The following FMNL1 variants were observed in gnomAD, a reference collection of about 807,000 sequenced individuals.
FMNL1 encodes the protein formin-like protein 1.
A neutral mutation model predicts 121.3 loss-of-function variants in FMNL1; 43 were observed. That is an observed-to-expected ratio of 0.35 (90% CI 0.28 to 0.46). The LOEUF (loss-of-function observed/expected upper bound fraction) is 0.46. Among genes scored for constraint, FMNL1 ranks in the 20% least tolerant of loss-of-function variants. The probability of loss-of-function intolerance (pLI) is 1.00; values close to 1 mark genes in which losing one functional copy is unlikely to be tolerated. For synonymous variants in FMNL1, 613 were observed against 613.5 expected (o/e 1.00, Z 0.01); for missense variants, 1,191 against 1,482.4 (o/e 0.80, Z 3.23).
chr17:45,245,506 T>TGGAGGGG, intron 22 of FMNL1, 90 bp downstream of exon 22: 1 of 1,605,186 alleles, frequency 6.2e-7, no homozygotes, highest in Non-Finnish European at 8.5e-7. Flanking sequence ...CTGGGACCCC[T>TGGAGGGG]TGGGGGGATG....
chr17:45,232,782 A>T (rs2043466179), intron 3 of FMNL1: 1 of 576,868 alleles, frequency 1.7e-6, no homozygotes, highest in African/African-American at 1.8e-5. Context: ...CTATGTGTGT[A>T]CTTTGTCCAC....
chr17:45,242,207 C>T, intron 15 of FMNL1, 61 bp downstream of exon 15: 2 of 1,541,058 alleles, frequency 1.3e-6, no homozygotes, highest in Middle Eastern at 1.7e-4. Flanking sequence ...GGGGCCTGGG[C>T]CTCAGTGTCC....
chr17:45,238,705 G>A (rs904912061), intron 10 of FMNL1, 67 bp downstream of exon 10: 33 of 1,589,670 alleles, frequency 2.1e-5, no homozygotes, highest in Non-Finnish European at 2.8e-5. Context: ...AGCAGCTAGG[G>A]TCCTGGGTGC....
At position 45,244,262 on chromosome 17, in the gene FMNL1, G is replaced by T; in HGVS notation, c.2517+18G>T. ...TCCTGGAGGTGAGGGGCCAGGAGGT[G>T]GGGCCCACCCTTGCCTGTTCTGGAT... On this transcript the variant is annotated intron_variant, in intron 19 of 26. Transcript: ENST00000331495. 6.2e-7 allele frequency: 1 copy of T among 1,604,740 alleles called. No homozygotes were observed. The highest frequency in any genetic ancestry group is 8.5e-7 in the Non-Finnish European group (1 of 1,175,592).
At position 45,221,985 on chromosome 17, in the gene FMNL1, G is replaced by A; in HGVS notation, c.-140G>A. Reference sequence around the variant, plus strand: ...GCCCCTGCGCGCCGCTGAGCCGAGCGCCCCCCGCTGCCGAGACCCCCGCCG... The same window carrying A: ...GCCCCTGCGCGCCGCTGAGCCGAGCACCCCCCGCTGCCGAGACCCCCGCCG... On this transcript the variant is annotated 5_prime_UTR_variant, in exon 1 of 27. Coordinates refer to ENST00000331495, the MANE Select transcript of FMNL1 (RefSeq NM_005892.4). 1.8e-6 allele frequency: 1 copy of A among 564,910 alleles called. No homozygotes were observed. The highest frequency in any genetic ancestry group is 2.5e-6 in the Non-Finnish European group (1 of 400,462). The allele number at this position is 564,910 out of a possible 1,614,324, so 35.0% of individuals were successfully genotyped here.
At chr17:45,239,215 CCT>C in intron 11 of FMNL1, 150 bp downstream of exon 11, 1 of 641,112 alleles carries the variant, frequency 1.6e-6, no homozygotes. Flanking sequence ...TAGGCCTCTT[CCT>C]CTCTCTCAGT....
chr17:45,243,187 G>T lies in FMNL1; in HGVS notation c.2080G>T (p.Ala694Ser). 6.2e-7 allele frequency: 1 copy of T among 1,614,212 alleles called. No individual in the cohort carries two copies. Among genetic ancestry groups the T allele is most frequent in the Non-Finnish European group, 8.5e-7 (1 of 1,180,036 alleles). ...KSQGPSLDLS[A>S]LKSKAAQKAP... ...CCAAGGCCCCAGCCTGGACCTCAGC[G>T]CTCTCAAGAGTAAGGCAGCCCAGAA... The change falls in exon 17 of 27, where the codon GCT becomes TCT. Residue 694 changes from alanine to serine, a missense_variant. Physicochemically the swap from Ala to Ser is moderately conservative, Grantham distance 99. Coordinates refer to ENST00000331495, the MANE Select transcript of FMNL1 (RefSeq NM_005892.4).
In FMNL1 at chr17:45,221,922, C is replaced by A; in HGVS notation, c.-203C>A. On this transcript the variant is annotated 5_prime_UTR_variant, in exon 1 of 27. Coordinates refer to ENST00000331495, the MANE Select transcript of FMNL1 (RefSeq NM_005892.4). ...CAACCCTGCAGCTCGCCGCCCGGTC[C>A]CACGGACGGGGCCGCCCCGATGGGA... 2.9e-6 allele frequency: 1 copy of A among 343,672 alleles called. No homozygotes were observed. Among genetic ancestry groups the A allele is most frequent in the African/African-American group, 2.2e-5 (1 of 46,244 alleles). The allele number at this position is 343,672 out of a possible 1,614,324, so 21.3% of individuals were successfully genotyped here. A position where few individuals can be genotyped will look rare whatever the true frequency, so the allele number is the denominator to read the frequency against.
At chr17:45,244,431 C>G (rs1005821801) in intron 19 of FMNL1, among the ~76,000 whole-genome samples, 187 bp downstream of exon 19, 1 of 152,206 alleles carries the variant, frequency 6.6e-6, no homozygotes, top group Non-Finnish European at 1.5e-5. Flanking sequence ...TAGCAGCTCA[C>G]CTGGGACCCT....
In FMNL1 at chr17:45,242,098, G is replaced by A; in HGVS notation, c.1837G>A (p.Gly613Arg). The A allele has an allele frequency of 2.0e-6, 3 of 1,494,012 alleles. No homozygotes were observed. The highest frequency in any genetic ancestry group is 2.7e-6 in the Non-Finnish European group (3 of 1,117,818). 92.5% of individuals were successfully genotyped at this position (1,494,012 alleles called of 1,614,324 possible). Residue 613 changes from glycine (G) to arginine (R), a missense_variant, in exon 15 of 27, where the codon GGA becomes AGA. Physicochemically the swap from Gly to Arg is moderately radical, Grantham distance 125. This residue lies in a region of FMNL1 where 519 missense variants were observed against 492.8 expected (regional missense o/e 1.05). Coordinates refer to ENST00000331495, the MANE Select transcript of FMNL1 (RefSeq NM_005892.4). ...PPPPPPPPPPGGPPDALGRRD... is the reference protein window; with the variant it reads ...PPPPPPPPPPRGPPDALGRRD... ...GCCGCCGCCGCCGCCGCCGCCTCCC[G>A]GAGGTCCTCCTGATGCCCTAGGAAG...
At chr17:45,222,378 C>A in intron 1 of FMNL1, 125 bp downstream of exon 1, 2 of 822,326 alleles carry the variant, frequency 2.4e-6, no homozygotes, top group Non-Finnish European at 3.1e-6. Flanking sequence ...CCGGCAGCTG[C>A]CCCCTCCAGG....
intron 2 of FMNL1, among the ~76,000 whole-genome samples, chr17:45,232,058 C>T (rs1470932958): frequency 6.6e-6 from 1 of 152,166 alleles, no homozygotes; most frequent in South Asian, 2.1e-4. Flanking sequence ...CCCGTAGTCC[C>T]AGCTACCTGG....
At chr17:45,230,825 C>CCTCCCCAGGTGCTACA in intron 2 of FMNL1, 138 bp downstream of exon 2, 1 of 862,496 alleles carries the variant, frequency 1.2e-6, no homozygotes, top group Non-Finnish European at 1.7e-6. Flanking sequence ...AATGTAGCAC[C>CCTCCCCAGGTGCTACA]TGGGGAGGGT....
intron 1 of FMNL1, among the ~76,000 whole-genome samples, chr17:45,228,705 C>T (rs1415807662): frequency 2.6e-5 from 4 of 152,140 alleles, no homozygotes; most frequent in Admixed American, 1.3e-4. Flanking sequence ...CTAGAAATGC[C>T]GCTGGGGCCA....
intron 19 of FMNL1, among the ~76,000 whole-genome samples, chr17:45,244,467 G>A (rs913078390): frequency 2.0e-5 from 3 of 152,222 alleles, no homozygotes; most frequent in East Asian, 1.9e-4. Context: ...CCCCTTTAGC[G>A]TTGCTCTGTG....
chr17:45,237,783 C>T lies in FMNL1; in HGVS notation c.894+144C>T. ...ACGCCCAAAAGTTGAAGTTGAGCCACATCACTGGCTCAGCAATCTGGGATG... is the reference window on the plus strand; with the variant it reads ...ACGCCCAAAAGTTGAAGTTGAGCCATATCACTGGCTCAGCAATCTGGGATG... On this transcript the variant is annotated intron_variant, in intron 9 of 26. Transcript: ENST00000331495. The surrounding 1 kb of genome is among the most constrained non-coding windows in gnomAD (Gnocchi z 4.4). 1 of 836,518 alleles carries T rather than the reference C, an allele frequency of 1.2e-6. No individual in the cohort carries two copies. Among genetic ancestry groups the T allele is most frequent in the East Asian group, 2.6e-5 (1 of 38,934 alleles). The allele number at this position is 836,518 out of a possible 1,614,324, so 51.8% of individuals were successfully genotyped here.
In FMNL1 at chr17:45,241,463, C is replaced by T. The variant is rs762390081; in HGVS notation, c.1414C>T (p.Arg472Trp). ...PEKAPPAAPT[R>W]PSALELKVEE... ...GAAAGCGCCTCCCGCTGCCCCGACG[C>T]GGCCCTCGGCCCTGGAGCTGAAGGT... The change falls in exon 14 of 27, where the codon CGG (arginine) becomes TGG (tryptophan). Residue 472 changes from arginine to tryptophan, a missense_variant. Around this residue, in one of 4 missense-constraint regions of FMNL1, gnomAD observed 519 missense variants for 492.8 expected, o/e 1.05. Coordinates refer to ENST00000331495, the MANE Select transcript of FMNL1 (RefSeq NM_005892.4). This position sits in a 1 kb window ranked among gnomAD's most constrained non-coding sequence, Gnocchi z 7.0. The T allele has an allele frequency of 5.7e-6, 9 of 1,569,646 alleles. No homozygotes were observed. The East Asian group carries it at 2.1e-4, about 37-fold the overall frequency.
chr17:45,228,811 C>T (rs868277694), intron 1 of FMNL1, among the ~76,000 whole-genome samples: 1 of 146,672 alleles, frequency 6.8e-6, no homozygotes, highest in East Asian at 2.1e-4. Flanking sequence ...TGGGCTCAGC[C>T]ATCCCCTTAC....
chr17:45,239,147 G>A, intron 11 of FMNL1, 82 bp downstream of exon 11: 2 of 1,215,704 alleles, frequency 1.6e-6, no homozygotes, highest in Non-Finnish European at 2.4e-6. Flanking sequence ...GAGTGCTGGG[G>A]TCAGGTAGAC....
Sources: gnomAD v4.1 joint callset for allele counts (sites outside exome capture counted in the v4.1 genomes callset) on GRCh38, gnomAD v4.1.1 for gene constraint, gnomAD v4.1.1 regional missense constraint, Gnocchi (gnomAD v3.1) non-coding constraint, MANE v1.5 for transcripts, NCBI Gene and HGNC (gene_info 2026-07-23, HGNC 2026-07-21) for gene names.